Variants in ZNF536 observed in about 807,000 individuals in gnomAD.
The protein encoded by ZNF536 is zinc finger protein 536.
In ZNF536, 13 loss-of-function variants were observed where a neutral mutation model predicts 84.5. The observed-to-expected ratio is 0.15, with a 90% CI of 0.10 to 0.24. The LOEUF is 0.24. Among genes scored for constraint, ZNF536 ranks in the 10% least tolerant of loss-of-function variants. ZNF536 has a pLI of 1.00. For missense variants in ZNF536, 1,536 were observed against 1,747.5 expected, an observed-to-expected ratio of 0.88 and a Z score of 2.16; for synonymous variants, 811 against 742.5, an observed-to-expected ratio of 1.09 and a Z score of -1.50.
chr19:30,286,217 G>T (rs1047658019), intron 2 of ZNF536, among the ~76,000 whole-genome samples: 1 of 152,142 alleles, frequency 6.6e-6, no homozygotes. Flanking sequence ...GTCAACCAAG[G>T]ATGACATTAT....
At position 30,548,257 on chromosome 19, in the gene ZNF536, G is replaced by T; in HGVS notation, c.2638G>T (p.Val880Phe). The T allele has an allele frequency of 6.2e-7, 1 of 1,614,204 alleles. No individual in the cohort carries two copies. The highest frequency in any genetic ancestry group is 8.5e-7 in the Non-Finnish European group (1 of 1,180,040). Reference sequence around the variant, plus strand: ...GCAGGCCACGGGCATGTCTTCGGAGGTCCCCTCAGATGCTCTGAAAGGCAC... The same window carrying T: ...GCAGGCCACGGGCATGTCTTCGGAGTTCCCCTCAGATGCTCTGAAAGGCAC... ...SGQATGMSSE[V>F]PSDALKGTDL... Residue 880 changes from valine (V) to phenylalanine (F), a missense_variant, in exon 4 of 5, where the codon GTC (valine) becomes TTC (phenylalanine). Val to Phe is a conservative substitution (Grantham distance 50). Coordinates refer to ENST00000355537, the MANE Select transcript of ZNF536 (RefSeq NM_014717.3).
At chr19:30,372,211 T>C (rs915626969), upstream of ZNF536, among the ~76,000 whole-genome samples, 1 of 152,060 alleles carries the variant, frequency 6.6e-6, no homozygotes, top group Non-Finnish European at 1.5e-5. Context: ...GTGAAAACAA[T>C]TGGTCATTTT....
rs943906104 is a variant in ZNF536, at chr19:30,359,372, T to C, written c.-3+6888T>C. Among the ~76,000 whole-genome samples, 13 of 152,132 alleles carry C rather than the reference T, an allele frequency of 8.5e-5. No individual in the cohort carries two copies. In the East Asian group the frequency reaches 1.7e-3, roughly 20 times the overall value. On this transcript the variant is annotated intron_variant, in intron 3 of 5. Coordinates refer to the ZNF536 transcript ENST00000585628. ...CTGGAGTGTATGAGGTGCAAATGGC[T>C]TGGAGCATTGCAGGTCCCTGGCCCC... is the stretch of plus-strand genomic sequence containing the variant.
intron 1 of ZNF536, among the ~76,000 whole-genome samples, chr19:30,375,775 CTG>C (rs375492730): frequency 5.6e-4 from 85 of 152,270 alleles, no homozygotes; most frequent in African/African-American, 1.9e-3. Context: ...CCTCGTGTGC[CTG>C]TGTGTCCGTA....
chr19:30,683,178 G>A (rs564159791), intron 1 of ZNF536, among the ~76,000 whole-genome samples: 1 of 152,186 alleles, frequency 6.6e-6, no homozygotes, highest in Non-Finnish European at 1.5e-5. Flanking sequence ...CTGCGAGGCA[G>A]GGTTGAAAGC....
intron 2 of ZNF536, among the ~76,000 whole-genome samples, chr19:30,340,462 AT>A (rs2047531115): frequency 6.6e-6 from 1 of 152,196 alleles, no homozygotes; most frequent in Non-Finnish European, 1.5e-5. Context: ...GACTCGATGC[AT>A]AATCCATTTT....
chr19:30,284,044 C>T (rs1444821482), intron 1 of ZNF536: 1 of 152,208 alleles, frequency 6.6e-6, no homozygotes, highest in Non-Finnish European at 1.5e-5. Flanking sequence ...GTGACATTTA[C>T]AGTTTCTAAC....
intron 1 of ZNF536, among the ~76,000 whole-genome samples, chr19:30,249,585 C>T (rs906734138): frequency 6.6e-6 from 1 of 152,154 alleles, no homozygotes; most frequent in Non-Finnish European, 1.5e-5. Flanking sequence ...CCTGGGAGTT[C>T]GAGGCTTCAG....
chr19:30,331,115 C>G (rs2047196228), intron 2 of ZNF536, among the ~76,000 whole-genome samples: 1 of 151,434 alleles, frequency 6.6e-6, no homozygotes, highest in African/African-American at 2.4e-5. Context: ...AACCTCATCT[C>G]TACAAAAAAT....
At chr19:30,523,146 C>T (rs535647226) in intron 2 of ZNF536, among the ~76,000 whole-genome samples, 6 of 152,122 alleles carry the variant, frequency 3.9e-5, no homozygotes, top group Admixed American at 1.3e-4. Context: ...TTGGGGTTGG[C>T]GCGGGGGCAC....
chr19:30,668,343 A>C lies in ZNF536; in HGVS notation c.170-42414A>C, dbSNP rs1162413656. On this transcript the variant is annotated intron_variant, in intron 1 of 1. Transcript: ENST00000592773. ...GGACAGGTCCTGCATCCCTGGGCCA[A>C]TCAGGGGCCCCTTCTAGAATTTTCT... Among the ~76,000 whole-genome samples, 6 of 152,222 alleles carry C rather than the reference A, an allele frequency of 3.9e-5. No individual in the cohort carries two copies. In the East Asian group the frequency reaches 1.2e-3, roughly 29 times the overall value.
At chr19:30,523,148 C>G (rs1362982891) in intron 2 of ZNF536, among the ~76,000 whole-genome samples, 1 of 151,990 alleles carries the variant, frequency 6.6e-6, no homozygotes, top group Non-Finnish European at 1.5e-5. Flanking sequence ...GGGGTTGGCG[C>G]GGGGGCACTG....
intron 2 of ZNF536, among the ~76,000 whole-genome samples, chr19:30,477,064 C>T (rs922777711): frequency 2.0e-5 from 3 of 152,112 alleles, no homozygotes; most frequent in Non-Finnish European, 4.4e-5. Flanking sequence ...ACTGGGATTA[C>T]AGGCATGAGC....
chr19:30,591,220 G>A (rs1454249355), intron 1 of ZNF536, among the ~76,000 whole-genome samples: 1 of 152,200 alleles, frequency 6.6e-6, no homozygotes, highest in South Asian at 2.1e-4. Context: ...GCAGGGATCC[G>A]AGGGTGTCCT....
intron 1 of ZNF536, among the ~76,000 whole-genome samples, chr19:30,580,050 T>C (rs978139747): frequency 3.3e-5 from 5 of 152,202 alleles, no homozygotes; most frequent in African/African-American, 1.2e-4. Flanking sequence ...TGAAAGCCCC[T>C]GGCCTCCCTC....
At chr19:30,383,625 TCTTTCTTC>T (rs1236705940) in intron 1 of ZNF536, among the ~76,000 whole-genome samples, 9 of 148,614 alleles carry the variant, frequency 6.1e-5, no homozygotes, top group African/African-American at 1.5e-4. Flanking sequence ...TCTTTCTCTT[TCTTTCTTC>T]CTTTCTTCCT....
At chr19:30,527,527 A>G (rs2044637846) in intron 2 of ZNF536, among the ~76,000 whole-genome samples, 1 of 151,798 alleles carries the variant, frequency 6.6e-6, no homozygotes, top group Non-Finnish European at 1.5e-5. Flanking sequence ...ACTTTCACCA[A>G]TCCATAAGAA....
chr19:30,309,122 CA>C (rs2046423728), intron 2 of ZNF536, among the ~76,000 whole-genome samples: 1 of 152,092 alleles, frequency 6.6e-6, no homozygotes, highest in Admixed American at 6.5e-5. Flanking sequence ...GGAATCAAAA[CA>C]AACAAAAAAG....
chr19:30,609,894 T>C (rs1262929486), intron 1 of ZNF536, among the ~76,000 whole-genome samples: 47 of 72,948 alleles, frequency 6.4e-4, no homozygotes, highest in South Asian at 1.5e-3. Context: ...ATCCACCCAT[T>C]TATCCATCCA....
Sources: gnomAD v4.1 joint callset for allele counts (sites outside exome capture counted in the v4.1 genomes callset) on GRCh38, gnomAD v4.1.1 for gene constraint, MANE v1.5 for transcripts, NCBI Gene and HGNC (gene_info 2026-07-23, HGNC 2026-07-21) for gene names.